Variants in CHCHD3 observed in about 807,000 individuals in gnomAD.
The protein encoded by CHCHD3 is MICOS complex subunit MIC19.
In CHCHD3, 20 loss-of-function variants were observed where a neutral mutation model predicts 38.2. The ratio of observed to expected loss-of-function variants is 0.52; its 90% CI spans 0.37 to 0.76. The LOEUF is 0.76. Ranked by LOEUF, CHCHD3 falls within the 30% of genes least tolerant of loss-of-function variation. The pLI is 0.00. For synonymous variants in CHCHD3, 82 were observed against 100.0 expected, an observed-to-expected ratio of 0.82 and a Z score of 1.07; for missense variants, 245 against 279.2, an observed-to-expected ratio of 0.88 and a Z score of 0.87.
intron 4 of CHCHD3, among the ~76,000 whole-genome samples, chr7:132,959,477 C>T (rs1244072588): frequency 3.3e-5 from 5 of 152,088 alleles, no homozygotes; most frequent in African/African-American, 1.2e-4. Context: ...AATCCCAACA[C>T]TTTGGGAGGC....
At chr7:132,878,383 A>G (rs749628152) in intron 5 of CHCHD3, among the ~76,000 whole-genome samples, 1 of 152,160 alleles carries the variant, frequency 6.6e-6, no homozygotes, top group Non-Finnish European at 1.5e-5. Context: ...AAGCCAATTA[A>G]TCATACAGAT....
intron 6 of CHCHD3, among the ~76,000 whole-genome samples, chr7:132,804,037 T>C (rs891004576): frequency 2.0e-5 from 3 of 151,900 alleles, no homozygotes; most frequent in African/African-American, 7.2e-5. Flanking sequence ...GAAAACCTCA[T>C]GTTTAGAAGG....
At chr7:133,079,894 T>C (rs1277772704) in intron 1 of CHCHD3, among the ~76,000 whole-genome samples, 2 of 152,216 alleles carry the variant, frequency 1.3e-5, no homozygotes, top group East Asian at 1.9e-4. Context: ...AATACTTCAA[T>C]GGATGTCACT....
chr7:133,016,966 C>T (rs1813049058), intron 3 of CHCHD3, among the ~76,000 whole-genome samples: 1 of 152,184 alleles, frequency 6.6e-6, no homozygotes, highest in African/African-American at 2.4e-5. Context: ...GAAACAGAAT[C>T]GAGTCTATCC....
intron 2 of CHCHD3, among the ~76,000 whole-genome samples, chr7:133,060,513 A>T (rs1455907894): frequency 6.6e-6 from 1 of 152,188 alleles, no homozygotes; most frequent in Non-Finnish European, 1.5e-5. Flanking sequence ...CTGAACAATG[A>T]GCAGGAGTTT....
chr7:132,847,015 T>C (rs1268494667), intron 5 of CHCHD3, among the ~76,000 whole-genome samples: 1 of 152,196 alleles, frequency 6.6e-6, no homozygotes, highest in Non-Finnish European at 1.5e-5. Flanking sequence ...CTGATATAAC[T>C]ATGCAAGTGT....
intron 4 of CHCHD3, among the ~76,000 whole-genome samples, chr7:132,900,338 G>A (rs543805560): frequency 2.2e-5 from 2 of 91,894 alleles, no homozygotes; most frequent in Non-Finnish European, 4.6e-5. Context: ...GTGATGGAGG[G>A]AGAGAGATAA....
chr7:132,952,819 T>C (rs10248248), intron 4 of CHCHD3, among the ~76,000 whole-genome samples: 108,585 of 152,100 alleles, frequency 0.71, 38,913 homozygotes, highest in African/African-American at 0.75. Flanking sequence ...GGAGTTGGCC[T>C]CAAGGCACTA....
intron 4 of CHCHD3, among the ~76,000 whole-genome samples, chr7:132,929,927 T>C (rs2032828144): frequency 6.6e-6 from 1 of 152,158 alleles, no homozygotes; most frequent in Non-Finnish European, 1.5e-5. Context: ...ATGATGGCTG[T>C]AATGACAACA....
chr7:133,020,404 T>C (rs1813146809), intron 3 of CHCHD3, among the ~76,000 whole-genome samples: 3 of 152,144 alleles, frequency 2.0e-5, no homozygotes, highest in Admixed American at 2.0e-4. Context: ...TAATGAAATA[T>C]CATCAGTTTC....
intron 3 of CHCHD3, among the ~76,000 whole-genome samples, chr7:133,015,059 G>A (rs1562938282): frequency 1.3e-5 from 2 of 152,148 alleles, no homozygotes; most frequent in Admixed American, 6.6e-5. Flanking sequence ...GTCAGGTATA[G>A]AGCCAGGCAC....
At chr7:132,887,303 C>T (rs972231105) in intron 4 of CHCHD3, among the ~76,000 whole-genome samples, 2 of 151,424 alleles carry the variant, frequency 1.3e-5, no homozygotes, top group African/African-American at 4.8e-5. Context: ...CTCCCTGGTA[C>T]AACATAGTAA....
chr7:132,959,825 G>A (rs1028024574), intron 4 of CHCHD3, among the ~76,000 whole-genome samples: 4 of 151,982 alleles, frequency 2.6e-5, no homozygotes, highest in Non-Finnish European at 2.9e-5. Flanking sequence ...TTATTGATTA[G>A]GGAACTCAAA....
chr7:132,913,770 G>C (rs1810026751), intron 4 of CHCHD3, among the ~76,000 whole-genome samples: 1 of 152,048 alleles, frequency 6.6e-6, no homozygotes, highest in Non-Finnish European at 1.5e-5. Flanking sequence ...GGAAAGAAAG[G>C]CTTTTAAGAT....
chr7:132,889,287 A>G (rs117027289), intron 4 of CHCHD3, among the ~76,000 whole-genome samples: 4,817 of 152,166 alleles, frequency 0.032, 93 homozygotes, highest in Non-Finnish European at 0.048. Context: ...TAAAACACTC[A>G]TACTAGGTAA....
At chr7:133,024,976 C>T (rs189359312) in intron 2 of CHCHD3, among the ~76,000 whole-genome samples, 38 of 152,042 alleles carry the variant, frequency 2.5e-4, no homozygotes, top group Admixed American at 1.6e-3. Context: ...GGAGAGGAGA[C>T]GCTGTAAGAA....
chr7:133,016,075 G>C (rs1352805189), intron 3 of CHCHD3, among the ~76,000 whole-genome samples: 2 of 152,128 alleles, frequency 1.3e-5, no homozygotes, highest in Non-Finnish European at 2.9e-5. Flanking sequence ...CCTCCTACAG[G>C]CCCCACTTCC....
chr7:132,829,562 C>CT (rs1807588519), intron 6 of CHCHD3, among the ~76,000 whole-genome samples: 1 of 152,170 alleles, frequency 6.6e-6, no homozygotes, highest in Admixed American at 6.5e-5. Flanking sequence ...CATGTTTACA[C>CT]ATAAACCACT....
chr7:132,948,633 T>C (rs1810959915), intron 4 of CHCHD3, among the ~76,000 whole-genome samples: 1 of 152,148 alleles, frequency 6.6e-6, no homozygotes, highest in African/African-American at 2.4e-5. Context: ...ACTACTAGTG[T>C]TCAAGTAACA....
Sources: gnomAD v4.1 joint callset for allele counts (sites outside exome capture counted in the v4.1 genomes callset) on GRCh38, gnomAD v4.1.1 for gene constraint, MANE v1.5 for transcripts, NCBI Gene and HGNC (gene_info 2026-07-23, HGNC 2026-07-21) for gene names.